TEX11: variants seen among roughly 807,000 people sequenced by gnomAD.
TEX11 encodes testis-expressed protein 11.
TEX11 carries 7 observed loss-of-function variants against 84.4 expected under a neutral mutation model. That is an observed-to-expected ratio of 0.08 (90% CI 0.05 to 0.16). The LOEUF is 0.16. Ranked by LOEUF, TEX11 falls within the 10% of genes least tolerant of loss-of-function variation. The pLI is 1.00. For missense variants in TEX11, 551 were observed against 660.5 expected (o/e 0.83, Z 1.82); for synonymous variants, 264 against 222.8 (o/e 1.18, Z -1.64).
intron 8 of TEX11, among the ~76,000 whole-genome samples, chrX:70,814,288 A>T (rs2147816017): frequency 8.9e-6 from 1 of 111,873 alleles, no homozygotes; most frequent in South Asian, 3.8e-4. Flanking sequence ...AGCCCTCAGA[A>T]ATAATACCAC....
intron 2 of TEX11, among the ~76,000 whole-genome samples, chrX:70,902,526 T>TG (rs2147890893): frequency 9.0e-6 from 1 of 111,669 alleles, no homozygotes; most frequent in Admixed American, 9.6e-5. Flanking sequence ...TAAGCTTTGT[T>TG]TGTTTGTTTG....
chrX:70,536,159 TAGTACTTACTATGTGCTGCTATA>T (rs1169722369), intron 28 of TEX11, among the ~76,000 whole-genome samples: 3 of 111,588 alleles, frequency 2.7e-5, no homozygotes, highest in Non-Finnish European at 5.6e-5. Context: ...ATCACTTATA[TAGTACTTACTATGTGCTGCTATA>T]AGTACTTTAT....
intron 7 of TEX11, among the ~76,000 whole-genome samples, chrX:70,840,652 G>A (rs1375950893): frequency 3.6e-5 from 4 of 111,089 alleles, no homozygotes; most frequent in East Asian, 5.7e-4. Context: ...ATGTAAATGG[G>A]CTAAATGCTC....
intron 9 of TEX11, among the ~76,000 whole-genome samples, chrX:70,779,489 G>A (rs149666942): frequency 3.8e-4 from 41 of 106,536 alleles, no homozygotes; most frequent in African/African-American, 1.2e-3. Flanking sequence ...AATAAACAAC[G>A]TTGCTCCTCG....
At chrX:70,597,816 C>T (rs746193752) in intron 24 of TEX11, among the ~76,000 whole-genome samples, 1 of 112,030 alleles carries the variant, frequency 8.9e-6, no homozygotes, top group Non-Finnish European at 1.9e-5. Flanking sequence ...AACCACAGAA[C>T]AGGAGAAAAT....
intron 3 of TEX11, among the ~76,000 whole-genome samples, chrX:70,878,155 T>C (rs1317823191): frequency 9.9e-6 from 1 of 101,513 alleles, no homozygotes; most frequent in Admixed American, 1.1e-4. Flanking sequence ...AAAAACTGGA[T>C]CCCTCTATCC....
chrX:70,761,799 C>A, intron 9 of TEX11, among the ~76,000 whole-genome samples: 1 of 111,350 alleles, frequency 9.0e-6, no homozygotes, highest in Non-Finnish European at 1.9e-5. Flanking sequence ...TATCAATATC[C>A]AAATACAAAG....
At chrX:70,575,642 C>T (rs1308196114) in intron 25 of TEX11, among the ~76,000 whole-genome samples, 2 of 111,430 alleles carry the variant, frequency 1.8e-5, no homozygotes, top group African/African-American at 6.5e-5. Flanking sequence ...TCCCAGCCTC[C>T]AGAAATGTGA....
At chrX:70,762,458 G>A (rs1348231351) in intron 9 of TEX11, among the ~76,000 whole-genome samples, 1 of 111,147 alleles carries the variant, frequency 9.0e-6, no homozygotes, top group Non-Finnish European at 1.9e-5. Flanking sequence ...AGCAGGAGAT[G>A]AGTGGCGGGG....
At chrX:70,743,473 A>G (rs980731018) in intron 10 of TEX11, among the ~76,000 whole-genome samples, 28 of 112,249 alleles carry the variant, frequency 2.5e-4, no homozygotes, top group Non-Finnish European at 4.1e-4. Context: ...ACATTTATTT[A>G]CACAATCACA....
At chrX:70,684,721 A>G (rs1234897757) in intron 13 of TEX11, among the ~76,000 whole-genome samples, 1 of 112,397 alleles carries the variant, frequency 8.9e-6, no homozygotes, top group Non-Finnish European at 1.9e-5. Context: ...TAAAATGTCC[A>G]CACTACTCAA....
intron 7 of TEX11, among the ~76,000 whole-genome samples, chrX:70,838,593 T>A (rs1012169556): frequency 8.9e-6 from 1 of 112,078 alleles, no homozygotes; most frequent in Middle Eastern, 4.2e-3. Flanking sequence ...CATTTCCAAC[T>A]GAGGTACCGG....
At chrX:70,838,384 C>A (rs771020896) in intron 7 of TEX11, among the ~76,000 whole-genome samples, 7 of 112,123 alleles carry the variant, frequency 6.2e-5, no homozygotes, top group Non-Finnish European at 1.1e-4. Flanking sequence ...GATGGCACTA[C>A]TGCCCTCCAG....
chrX:70,610,771 A>G (rs1356625247), intron 20 of TEX11, among the ~76,000 whole-genome samples: 1 of 111,690 alleles, frequency 9.0e-6, no homozygotes, highest in African/African-American at 3.3e-5. Context: ...ACTTCTTCAT[A>G]AACTCTCAGC....
intron 7 of TEX11, among the ~76,000 whole-genome samples, chrX:70,841,260 C>T (rs1270269247): frequency 9.0e-6 from 1 of 110,632 alleles, no homozygotes; most frequent in African/African-American, 3.3e-5. Flanking sequence ...TGTAAAAGAA[C>T]AGAAATTATA....
intron 2 of TEX11, among the ~76,000 whole-genome samples, chrX:70,903,273 T>G (rs1396521979): frequency 9.0e-6 from 1 of 111,527 alleles, no homozygotes; most frequent in Non-Finnish European, 1.9e-5. Flanking sequence ...ACCAGTAGCA[T>G]AGTCATTTAT....
At position 70,897,347 on chromosome X, in the gene TEX11, T is replaced by C. The variant is rs1191641662; in HGVS notation, c.37+10406A>G. On this transcript the variant is annotated intron_variant, in intron 2 of 29. Coordinates refer to ENST00000374333, the MANE Select transcript of TEX11 (RefSeq NM_031276.3). ...TGGCTCATGCCTGTAATCCCAACAC[T>C]TTGGGAGGCCGAGGCAGGCAGATCA... is the stretch of plus-strand genomic sequence containing the variant. 6.8e-5 allele frequency: 7 copies of C among 103,446 alleles called. No individual in the cohort carries two copies. In the East Asian group the frequency reaches 2.1e-3, roughly 32 times the overall value. The allele number at this position is 103,446 out of a possible 1,213,427, so 8.5% of individuals were successfully genotyped here. A position where few individuals can be genotyped will look rare whatever the true frequency, so the allele number is the denominator to read the frequency against.
chrX:70,743,173 A>C (rs2147747409), intron 10 of TEX11, among the ~76,000 whole-genome samples: 1 of 112,242 alleles, frequency 8.9e-6, no homozygotes, highest in South Asian at 3.7e-4. Flanking sequence ...TGTTTCACTC[A>C]GCGTAGTCTC....
intron 25 of TEX11, among the ~76,000 whole-genome samples, chrX:70,570,758 G>A (rs903518864): frequency 4.5e-5 from 5 of 110,839 alleles, no homozygotes; most frequent in Non-Finnish European, 7.6e-5. Context: ...AATGGGGGGC[G>A]GGAAAGTAAT....
Sources: gnomAD v4.1 joint callset for allele counts (sites outside exome capture counted in the v4.1 genomes callset) on GRCh38, gnomAD v4.1.1 for gene constraint, MANE v1.5 for transcripts, NCBI Gene and HGNC (gene_info 2026-07-23, HGNC 2026-07-21) for gene names.